Variants in SLC27A2 observed in about 807,000 individuals in gnomAD.
The protein encoded by SLC27A2 is long-chain fatty acid transport protein 2.
SLC27A2 carries 54 observed loss-of-function variants against 60.0 expected under a neutral mutation model. That is an observed-to-expected ratio of 0.90 (90% CI 0.72 to 1.13). The LOEUF is 1.13. Among genes scored for constraint, SLC27A2 ranks in the 50% most tolerant of loss-of-function variants. The pLI is 0.00. For missense variants in SLC27A2, 739 were observed against 777.6 expected (o/e 0.95, Z 0.59); for synonymous variants, 297 against 297.6 (o/e 1.00, Z 0.02).
intron 4 of SLC27A2, among the ~76,000 whole-genome samples, chr15:50,208,834 T>C (rs959763855): frequency 2.0e-5 from 3 of 152,224 alleles, no homozygotes; most frequent in Non-Finnish European, 4.4e-5. Context: ...CGACTGTTTG[T>C]AATGAAAGGC....
At chr15:50,195,165 T>C (rs1270347960) in intron 1 of SLC27A2, among the ~76,000 whole-genome samples, 3 of 151,904 alleles carry the variant, frequency 2.0e-5, no homozygotes, top group Non-Finnish European at 4.4e-5. Flanking sequence ...GAAACAGCTT[T>C]TAAAAAATTG....
intron 2 of SLC27A2, among the ~76,000 whole-genome samples, chr15:50,198,665 A>G (rs2045042536): frequency 6.6e-6 from 1 of 152,198 alleles, no homozygotes; most frequent in Non-Finnish European, 1.5e-5. Flanking sequence ...AAAGAAGGAC[A>G]GGAAGCCAGC....
chr15:50,190,253 C>T (rs1434639698), intron 1 of SLC27A2, among the ~76,000 whole-genome samples: 1 of 152,164 alleles, frequency 6.6e-6, no homozygotes, highest in Non-Finnish European at 1.5e-5. Context: ...TTATTAATAG[C>T]ACCAGTTTGC....
chr15:50,231,231 G>A (rs866885609), intron 8 of SLC27A2, among the ~76,000 whole-genome samples: 2 of 145,058 alleles, frequency 1.4e-5, no homozygotes, highest in Admixed American at 7.3e-5. Flanking sequence ...TGTAACCTCT[G>A]CCTCCCATGT....
intron 4 of SLC27A2, among the ~76,000 whole-genome samples, chr15:50,222,443 CTG>C (rs1393052337): frequency 1.3e-5 from 2 of 152,148 alleles, no homozygotes; most frequent in African/African-American, 4.8e-5. Flanking sequence ...GCTCACTGGA[CTG>C]TGTTTCCTGT....
At chr15:50,184,493 A>C (rs2044902977) in intron 1 of SLC27A2, among the ~76,000 whole-genome samples, 2 of 152,178 alleles carry the variant, frequency 1.3e-5, no homozygotes, top group Admixed American at 1.3e-4. Context: ...GTGGCATGAA[A>C]TAAATAATCC....
At chr15:50,204,740 GA>G (rs896183070) in intron 3 of SLC27A2, among the ~76,000 whole-genome samples, 11 of 141,214 alleles carry the variant, frequency 7.8e-5, no homozygotes, top group Non-Finnish European at 1.1e-4. Context: ...CTCAAAAAAA[GA>G]AAAAAAAATA....
At chr15:50,227,323 T>C (rs778657263) in intron 7 of SLC27A2, 145 bp downstream of exon 7, 112 of 661,972 alleles carry the variant, frequency 1.7e-4, no homozygotes, top group Admixed American at 5.8e-4. Flanking sequence ...TCCCAGAGAA[T>C]GAGGAATGAA....
chr15:50,203,025 A>G (rs1365046257), intron 3 of SLC27A2, among the ~76,000 whole-genome samples: 1 of 143,788 alleles, frequency 7.0e-6, no homozygotes, highest in Non-Finnish European at 1.5e-5. Context: ...AAAAAAATAT[A>G]TATATATATA....
chr15:50,191,022 A>G (rs2044968732), intron 1 of SLC27A2: 2 of 152,200 alleles, frequency 1.3e-5, no homozygotes, highest in Admixed American at 1.3e-4. Flanking sequence ...CTTAATCTGA[A>G]TGGCTCATAC....
chr15:50,195,439 C>T (rs1406290597), intron 1 of SLC27A2, among the ~76,000 whole-genome samples: 1 of 151,882 alleles, frequency 6.6e-6, no homozygotes, highest in East Asian at 1.9e-4. Context: ...TGCAGTGAGC[C>T]GAGATCGCGC....
rs1248327885 is a variant in SLC27A2 at position 50,222,970 on chromosome 15, A to C, written c.978A>C (p.Pro326=). The C allele has an allele frequency of 5.0e-6, 8 of 1,607,326 alleles. No homozygotes were observed. Among genetic ancestry groups the C allele is most frequent in the African/African-American group, 1.3e-5 (1 of 74,728 alleles). Residue 326 remains proline (P), a synonymous_variant, in exon 5 of 10, where the codon CCA becomes CCC. Transcript: ENST00000267842. Reference sequence around the variant, plus strand: ...CTTCTTCTCCCCCACCACAGAAACCAAATGACCGTGATCATAAAGTGAGAC... The same window carrying C: ...CTTCTTCTCCCCCACCACAGAAACCCAATGACCGTGATCATAAAGTGAGAC... ...LRYLCNSPQK[P]NDRDHKVRLA...
At position 50,233,842 on chromosome 15, in the gene SLC27A2, CTAATTT is replaced by C. The variant is rs2045331466; in HGVS notation, c.1556-24_1556-19del. On this transcript the variant is annotated intron_variant, in intron 8 of 9. Coordinates refer to ENST00000267842, the MANE Select transcript of SLC27A2 (RefSeq NM_003645.4). ...AGCATCATAAATAGCCTTAACACTT[CTAATTT>C]TTTCTCACTTTATTTCTAGATCATG... 1 of 1,592,910 alleles carries C rather than the reference CTAATTT, an allele frequency of 6.3e-7. No homozygotes were observed. Among genetic ancestry groups the C allele is most frequent in the Non-Finnish European group, 8.6e-7 (1 of 1,168,208 alleles).
At chr15:50,183,994 CTTTTT>C (rs577766814) in intron 1 of SLC27A2, among the ~76,000 whole-genome samples, 1 of 91,138 alleles carries the variant, frequency 1.1e-5, no homozygotes, top group Non-Finnish European at 2.1e-5. Flanking sequence ...TTTCCTACAT[CTTTTT>C]TTTTTTTTTT....
chr15:50,187,679 C>A (rs139035878), intron 1 of SLC27A2, among the ~76,000 whole-genome samples: 1 of 152,254 alleles, frequency 6.6e-6, no homozygotes, highest in Non-Finnish European at 1.5e-5. Flanking sequence ...AAAACTGAGT[C>A]CCAGGTAAGT....
chr15:50,182,276 T>A lies in SLC27A2; in HGVS notation c.-152T>A. 1 of 1,215,066 alleles carries A rather than the reference T, an allele frequency of 8.2e-7. No individual in the cohort carries two copies. Among genetic ancestry groups the A allele is most frequent in the Non-Finnish European group, 1.0e-6 (1 of 954,482 alleles). 75.3% of individuals were successfully genotyped at this position (1,215,066 alleles called of 1,614,324 possible). A position where few individuals can be genotyped will look rare whatever the true frequency, so the allele number is the denominator to read the frequency against. On this transcript the variant is annotated 5_prime_UTR_variant, in exon 1 of 10. Transcript: ENST00000267842. Reference sequence around the variant, plus strand: ...GCGGCGGTACCTGCAGCGGAGGAGCTCTGTCTTCCCCTTCATCTCACGCGA... The same window carrying A: ...GCGGCGGTACCTGCAGCGGAGGAGCACTGTCTTCCCCTTCATCTCACGCGA...
intron 1 of SLC27A2, among the ~76,000 whole-genome samples, chr15:50,184,950 C>T (rs1288142905): frequency 6.6e-6 from 1 of 152,200 alleles, no homozygotes; most frequent in Non-Finnish European, 1.5e-5. Flanking sequence ...GCGATAACTT[C>T]ACTACTTTGT....
chr15:50,224,941 C>G (rs1324302034), intron 5 of SLC27A2, among the ~76,000 whole-genome samples: 1 of 152,060 alleles, frequency 6.6e-6, no homozygotes, highest in African/African-American at 2.4e-5. Context: ...CCATTCTTTA[C>G]TTTCTCATCC....
intron 4 of SLC27A2, among the ~76,000 whole-genome samples, chr15:50,209,722 G>A (rs1332286778): frequency 6.6e-6 from 1 of 152,200 alleles, no homozygotes; most frequent in Non-Finnish European, 1.5e-5. Flanking sequence ...CTTCTGTAAA[G>A]CAAACAGGTG....
Sources: allele counts gnomAD v4.1 joint callset (sites outside exome capture counted in the v4.1 genomes callset), GRCh38; gene constraint gnomAD v4.1.1; transcripts MANE v1.5; gene names NCBI Gene and HGNC (gene_info 2026-07-23, HGNC 2026-07-21).